DOCK2: variants seen among roughly 807,000 people sequenced by gnomAD.
The protein encoded by DOCK2 is dedicator of cytokinesis 2, also known as dedicator of cytokinesis protein 2.
A neutral mutation model predicts 248.9 loss-of-function variants in DOCK2; 87 were observed. The ratio of observed to expected loss-of-function variants is 0.35; its 90% CI spans 0.29 to 0.42. The LOEUF (loss-of-function observed/expected upper bound fraction) is 0.42. Among genes scored for constraint, DOCK2 ranks in the 10% least tolerant of loss-of-function variants. The probability of loss-of-function intolerance (pLI) is 1.00; values close to 1 mark genes in which losing one functional copy is unlikely to be tolerated. For synonymous variants in DOCK2, 805 were observed against 821.6 expected (o/e 0.98, Z 0.35); for missense variants, 1,747 against 2,300.2 (o/e 0.76, Z 4.92).
At chr5:169,707,483 A>C (rs1488741131) in intron 14 of DOCK2, among the ~76,000 whole-genome samples, 2 of 152,090 alleles carry the variant, frequency 1.3e-5, no homozygotes, top group Non-Finnish European at 2.9e-5. Context: ...GTCTGTCATC[A>C]CGTTGCCTTG....
At chr5:169,938,061 T>C (rs984479602) in intron 27 of DOCK2, among the ~76,000 whole-genome samples, 4 of 152,222 alleles carry the variant, frequency 2.6e-5, no homozygotes, top group Admixed American at 2.0e-4. Flanking sequence ...CACATATTCA[T>C]TTATTCAGTA....
chr5:169,884,287 A>G (rs1325859201), intron 27 of DOCK2: 2 of 163,422 alleles, frequency 1.2e-5, no homozygotes, highest in East Asian at 3.6e-4. Flanking sequence ...CAAAAGTACC[A>G]TTTAGGGGGT....
intron 27 of DOCK2, among the ~76,000 whole-genome samples, chr5:169,944,505 C>T (rs1776369624): frequency 6.6e-6 from 1 of 152,198 alleles, no homozygotes; most frequent in Non-Finnish European, 1.5e-5. Context: ...GCAGCCAGGC[C>T]TGTGCAGTGA....
intron 1 of DOCK2, among the ~76,000 whole-genome samples, chr5:169,646,292 T>C (rs560320981): frequency 3.0e-4 from 45 of 152,194 alleles, no homozygotes; most frequent in Non-Finnish European, 4.3e-4. Flanking sequence ...TCTGTTCCAT[T>C]GGTCTATATA....
chr5:169,927,516 G>T (rs999728523), intron 27 of DOCK2, among the ~76,000 whole-genome samples: 3 of 152,206 alleles, frequency 2.0e-5, no homozygotes, highest in Non-Finnish European at 2.9e-5. Context: ...TAATTAATTT[G>T]CAGGACTTAG....
intron 27 of DOCK2, among the ~76,000 whole-genome samples, chr5:169,929,363 AT>A (rs1231279990): frequency 6.6e-6 from 1 of 152,006 alleles, no homozygotes; most frequent in African/African-American, 2.4e-5. Flanking sequence ...TTACACGTAG[AT>A]TTTCCACAAA....
intron 25 of DOCK2, among the ~76,000 whole-genome samples, chr5:169,788,453 G>A (rs143968235): frequency 1.1e-3 from 167 of 152,264 alleles, no homozygotes; most frequent in Non-Finnish European, 2.1e-3. Flanking sequence ...TGAGTCAAAA[G>A]CAGCAAATGA....
intron 29 of DOCK2, among the ~76,000 whole-genome samples, chr5:169,987,995 G>T (rs564734251): frequency 1.3e-5 from 2 of 152,276 alleles, no homozygotes; most frequent in African/African-American, 4.8e-5. Context: ...TGCTTTGTGT[G>T]TACGAGGATA....
At chr5:169,883,703 C>T in intron 27 of DOCK2, 1 of 1,551,318 alleles carries the variant, frequency 6.4e-7, no homozygotes, top group Non-Finnish European at 8.7e-7. Context: ...TGAGTCTTCC[C>T]CATCACAGCC....
intron 36 of DOCK2, among the ~76,000 whole-genome samples, chr5:170,040,276 A>T (rs13360692): frequency 0.033 from 5,002 of 152,284 alleles, 257 homozygotes; most frequent in African/African-American, 0.11. Flanking sequence ...TGGATCAGTT[A>T]TCTAAGAATT....
chr5:169,940,948 C>T (rs1241038522), intron 27 of DOCK2, among the ~76,000 whole-genome samples: 2 of 152,202 alleles, frequency 1.3e-5, no homozygotes, highest in Middle Eastern at 3.4e-3. Context: ...AATAGAATGC[C>T]GATAGTGCCA....
intron 20 of DOCK2, 65 bp downstream of exon 20, chr5:169,716,367 C>T (rs1022386001): frequency 5.2e-6 from 8 of 1,536,966 alleles, no homozygotes; most frequent in Non-Finnish European, 7.2e-6. Context: ...TGTGAAAATA[C>T]TGAGAACTCA....
Position 170,077,841 on chromosome 5 carries a change from A to G in DOCK2, c.4994+4A>G, listed in dbSNP as rs768185504. ...CCAGCAAGCCTACCTCAGAGAGGTCAGTCCCTGCACCCCAAGGAGCCCCCC... is the reference window on the plus strand; with the variant it reads ...CCAGCAAGCCTACCTCAGAGAGGTCGGTCCCTGCACCCCAAGGAGCCCCCC... On this transcript the variant is annotated splice_donor_region_variant and intron_variant, in intron 48 of 51. Coordinates refer to ENST00000520908, the MANE Select transcript of DOCK2 (RefSeq NM_004946.3). 1 of 1,612,060 alleles carries G rather than the reference A, an allele frequency of 6.2e-7. No homozygotes were observed. Among genetic ancestry groups the G allele is most frequent in the Admixed American group, 1.7e-5 (1 of 59,978 alleles).
intron 50 of DOCK2, chr5:170,080,598 G>T (rs543100085): frequency 1.1e-4 from 38 of 335,792 alleles, no homozygotes; most frequent in African/African-American, 7.3e-4. Context: ...CTCCCCAGGG[G>T]CCAGAAGTTT....
At chr5:169,954,246 G>C (rs1296714467) in intron 27 of DOCK2, among the ~76,000 whole-genome samples, 3 of 152,318 alleles carry the variant, frequency 2.0e-5, no homozygotes, top group Middle Eastern at 3.4e-3. Context: ...GCAATCGCTG[G>C]ACATTTTTGA....
At chr5:169,914,649 C>A (rs1012708628) in intron 27 of DOCK2, among the ~76,000 whole-genome samples, 3 of 152,180 alleles carry the variant, frequency 2.0e-5, no homozygotes, top group African/African-American at 7.2e-5. Flanking sequence ...AGAAAACAAC[C>A]TGGATTTCTG....
chr5:169,658,435 G>T (rs1327122866), intron 2 of DOCK2, among the ~76,000 whole-genome samples: 1 of 124,286 alleles, frequency 8.0e-6, no homozygotes, highest in Non-Finnish European at 1.6e-5. Context: ...AGCCAAGATC[G>T]CACCACTGCA....
intron 32 of DOCK2, among the ~76,000 whole-genome samples, chr5:170,018,165 G>A (rs1339198837): frequency 1.3e-5 from 2 of 152,182 alleles, no homozygotes; most frequent in South Asian, 2.1e-4. Flanking sequence ...TCTAGCTAAG[G>A]GTGGGAGGTG....
intron 1 of DOCK2, 135 bp from the exon 2 acceptor site, chr5:169,654,268 G>T: frequency 2.3e-6 from 2 of 879,084 alleles, no homozygotes; most frequent in Non-Finnish European, 1.7e-6. Context: ...CAGGCAATAG[G>T]TTTCTGTGTT....
Sources: allele counts gnomAD v4.1 joint callset (sites outside exome capture counted in the v4.1 genomes callset), GRCh38; gene constraint gnomAD v4.1.1; transcripts MANE v1.5; gene names NCBI Gene and HGNC (gene_info 2026-07-23, HGNC 2026-07-21).